FAM135B: variants seen among roughly 807,000 people sequenced by gnomAD.
The protein encoded by FAM135B is protein FAM135B.
In FAM135B, 43 loss-of-function variants were observed where a neutral mutation model predicts 127.7. The observed-to-expected ratio is 0.34, with a 90% CI of 0.26 to 0.43. The LOEUF (loss-of-function observed/expected upper bound fraction) is 0.43, where lower values mean the gene tolerates loss of function less well. Among genes scored for constraint, FAM135B ranks in the 20% least tolerant of loss-of-function variants. FAM135B has a pLI of 1.00. For synonymous variants in FAM135B, 670 were observed against 665.1 expected (o/e 1.01, Z -0.11); for missense variants, 1,558 against 1,725.6 (o/e 0.90, Z 1.72).
chr8:138,234,695 T>A (rs1302062699), intron 7 of FAM135B, among the ~76,000 whole-genome samples: 1 of 152,214 alleles, frequency 6.6e-6, no homozygotes, highest in African/African-American at 2.4e-5. Context: ...AGCTACTTCA[T>A]CAGTGTACAA....
intron 1 of FAM135B, among the ~76,000 whole-genome samples, chr8:138,411,709 A>G (rs978656593): frequency 3.3e-5 from 5 of 152,142 alleles, no homozygotes; most frequent in African/African-American, 1.2e-4. Flanking sequence ...AACCTACAGA[A>G]TGGGAGAAAA....
intron 2 of FAM135B, among the ~76,000 whole-genome samples, chr8:138,361,922 G>A (rs1830445792): frequency 6.6e-6 from 1 of 152,118 alleles, no homozygotes; most frequent in Non-Finnish European, 1.5e-5. Flanking sequence ...CTGTCTCAGT[G>A]ACAAGCATCT....
intron 1 of FAM135B, among the ~76,000 whole-genome samples, chr8:138,384,829 C>T (rs1002274184): frequency 6.6e-6 from 1 of 152,142 alleles, no homozygotes; most frequent in Non-Finnish European, 1.5e-5. Context: ...CAAGCCCCCA[C>T]ACTGCATCTC....
intron 2 of FAM135B, among the ~76,000 whole-genome samples, chr8:138,320,690 G>T (rs988969038): frequency 6.6e-6 from 1 of 152,176 alleles, no homozygotes; most frequent in African/African-American, 2.4e-5. Flanking sequence ...GCCACTGAAG[G>T]AGACAAGCCA....
chr8:138,200,721 T>C (rs1347787218), intron 7 of FAM135B, among the ~76,000 whole-genome samples: 1 of 152,178 alleles, frequency 6.6e-6, no homozygotes, highest in Non-Finnish European at 1.5e-5. Context: ...GCTATATGTG[T>C]GTATGTCTTG....
intron 3 of FAM135B, among the ~76,000 whole-genome samples, chr8:138,269,051 T>C (rs1823168744): frequency 6.6e-6 from 1 of 152,176 alleles, no homozygotes; most frequent in Non-Finnish European, 1.5e-5. Flanking sequence ...GAGGAACTCT[T>C]CAGGTTTCAG....
intron 3 of FAM135B, among the ~76,000 whole-genome samples, chr8:138,292,876 T>C (rs1425349851): frequency 6.6e-6 from 1 of 152,048 alleles, no homozygotes; most frequent in Non-Finnish European, 1.5e-5. Context: ...AATACCGTCA[T>C]CTTTCACAGA....
chr8:138,199,051 A>G (rs1368751972), intron 7 of FAM135B, among the ~76,000 whole-genome samples: 3 of 152,188 alleles, frequency 2.0e-5, no homozygotes, highest in Non-Finnish European at 4.4e-5. Flanking sequence ...GAGTCTGCAC[A>G]GCCAATGACT....
chr8:138,285,780 C>T (rs1259831930), intron 3 of FAM135B, among the ~76,000 whole-genome samples: 1 of 152,170 alleles, frequency 6.6e-6, no homozygotes, highest in Non-Finnish European at 1.5e-5. Flanking sequence ...TGCTCTAAAC[C>T]AAAGCCATCA....
At chr8:138,207,014 A>G (rs1817744231) in intron 7 of FAM135B, among the ~76,000 whole-genome samples, 1 of 152,072 alleles carries the variant, frequency 6.6e-6, no homozygotes, top group Admixed American at 6.6e-5. Context: ...GGATCCTACA[A>G]GCGAGTGTTG....
intron 1 of FAM135B, among the ~76,000 whole-genome samples, chr8:138,381,967 G>A (rs114237355): frequency 0.015 from 2,232 of 152,076 alleles, 46 homozygotes; most frequent in African/African-American, 0.051. Context: ...GGAGGTGAAC[G>A]CAAGATGCAA....
intron 7 of FAM135B, among the ~76,000 whole-genome samples, chr8:138,240,687 G>C (rs1820688578): frequency 6.6e-6 from 1 of 152,190 alleles, no homozygotes; most frequent in Admixed American, 6.5e-5. Context: ...GAATTGAAGA[G>C]AAAGTATTTC....
chr8:138,410,736 A>G lies in FAM135B; in HGVS notation c.-19-42734T>C, dbSNP rs140184816. On this transcript the variant is annotated intron_variant, in intron 1 of 19. Transcript: ENST00000395297. The stretch of plus-strand genomic sequence containing the variant: ...TGGAAAGCGGTTGGAGATTTCCCAA[A>G]GAATATAAAACAGAACTACCATTCT... Among the ~76,000 whole-genome samples the G allele has an allele frequency of 1.8e-4, 27 of 152,322 alleles. No homozygotes were observed. The East Asian group carries it at 5.0e-3, about 28-fold the overall frequency.
rs1821023770 is a variant in FAM135B, at chr8:138,243,477, G to C, written c.543-409C>G. ...TCCTTCCACCAACTCCTCCCTCCCT[G>C]GACCTCTTTTCTTCTGTGGAAAAGC... is the stretch of plus-strand genomic sequence containing the variant. On this transcript the variant is annotated intron_variant, in intron 6 of 19. Transcript: ENST00000395297. The surrounding 1 kb of genome is among the most constrained non-coding windows in gnomAD (Gnocchi z 7.5). Among the ~76,000 whole-genome samples, 2 of 152,102 alleles carry C rather than the reference G, an allele frequency of 1.3e-5. No individual in the cohort carries two copies. Among genetic ancestry groups the C allele is most frequent in the African/African-American group, 2.4e-5 (1 of 41,424 alleles).
At chr8:138,342,111 C>T (rs370329760) in intron 2 of FAM135B, among the ~76,000 whole-genome samples, 2 of 152,222 alleles carry the variant, frequency 1.3e-5, no homozygotes, top group Non-Finnish European at 2.9e-5. Flanking sequence ...CATCTCTTCA[C>T]CCATTTTATC....
chr8:138,314,285 C>T (rs939165313), intron 2 of FAM135B, among the ~76,000 whole-genome samples: 2 of 152,094 alleles, frequency 1.3e-5, no homozygotes, highest in Non-Finnish European at 2.9e-5. Context: ...GGAACCTAAC[C>T]CTCTATTTCC....
At chr8:138,264,181 C>G (rs1479187439) in intron 4 of FAM135B, among the ~76,000 whole-genome samples, 1 of 152,204 alleles carries the variant, frequency 6.6e-6, no homozygotes, top group Non-Finnish European at 1.5e-5. Flanking sequence ...TGATATCTCC[C>G]TGAGCTCATG....
intron 8 of FAM135B, 100 bp from the exon 9 acceptor site, chr8:138,195,407 G>A (rs1301125670): frequency 1.6e-5 from 18 of 1,121,270 alleles, no homozygotes; most frequent in African/African-American, 3.1e-5. Flanking sequence ...TGGCATTAAC[G>A]TCACAGAGAC....
chr8:138,427,523 T>C (rs945193236), intron 1 of FAM135B, among the ~76,000 whole-genome samples: 2 of 151,968 alleles, frequency 1.3e-5, no homozygotes, highest in Non-Finnish European at 2.9e-5. Flanking sequence ...TTTCACTAAG[T>C]GAAAGTGAGA....
Sources: allele counts gnomAD v4.1 joint callset (sites outside exome capture counted in the v4.1 genomes callset), GRCh38; gene constraint gnomAD v4.1.1; non-coding constraint Gnocchi (gnomAD v3.1); transcripts MANE v1.5; gene names NCBI Gene and HGNC (gene_info 2026-07-23, HGNC 2026-07-21).